Variants in EDIL3 observed in about 807,000 individuals in gnomAD.
EDIL3 encodes EGF-like repeat and discoidin I-like domain-containing protein 3.
EDIL3 carries 37 observed loss-of-function variants against 67.4 expected under a neutral mutation model. That is an observed-to-expected ratio of 0.55 (90% CI 0.42 to 0.72). The LOEUF is 0.72. Ranked by LOEUF, EDIL3 falls within the 30% of genes least tolerant of loss-of-function variation. The pLI is 0.00. For missense variants in EDIL3, 527 were observed against 586.3 expected, an observed-to-expected ratio of 0.90 and a Z score of 1.04; for synonymous variants, 195 against 196.3, an observed-to-expected ratio of 0.99 and a Z score of 0.05.
intron 6 of EDIL3, among the ~76,000 whole-genome samples, chr5:84,077,463 T>G (rs2112253917): frequency 6.6e-6 from 1 of 152,262 alleles, no homozygotes; most frequent in East Asian, 1.9e-4. Context: ...GACTCACAGT[T>G]CCACATGGCT....
At chr5:84,164,715 A>G (rs1311713255) in intron 4 of EDIL3, among the ~76,000 whole-genome samples, 2 of 152,134 alleles carry the variant, frequency 1.3e-5, no homozygotes, top group Non-Finnish European at 2.9e-5. Flanking sequence ...CTACATGCAA[A>G]TCACAATTCT....
At chr5:84,052,679 C>G (rs978095043) in intron 9 of EDIL3, among the ~76,000 whole-genome samples, 4 of 152,128 alleles carry the variant, frequency 2.6e-5, no homozygotes, top group African/African-American at 9.7e-5. Flanking sequence ...ATAAAACAGA[C>G]TTTAAACCAA....
chr5:84,173,467 C>T (rs184412748), intron 4 of EDIL3, among the ~76,000 whole-genome samples: 6 of 152,224 alleles, frequency 3.9e-5, no homozygotes, highest in South Asian at 2.1e-4. Flanking sequence ...GAAGCAGACT[C>T]GCACGACTGC....
intron 1 of EDIL3, among the ~76,000 whole-genome samples, chr5:84,256,901 A>G (rs1014699318): frequency 3.9e-5 from 6 of 152,226 alleles, no homozygotes; most frequent in Non-Finnish European, 8.8e-5. Flanking sequence ...TTTAATATCA[A>G]ATCTAGTTAA....
intron 9 of EDIL3, among the ~76,000 whole-genome samples, chr5:83,988,871 G>A (rs116507094): frequency 2.6e-5 from 4 of 152,144 alleles, no homozygotes; most frequent in African/African-American, 4.8e-5. Context: ...GTAATAAGCC[G>A]TTATATAATG....
intron 3 of EDIL3, among the ~76,000 whole-genome samples, chr5:84,190,720 C>T (rs973129890): frequency 2.0e-5 from 3 of 151,688 alleles, no homozygotes; most frequent in African/African-American, 4.8e-5. Flanking sequence ...TCTCTGACAG[C>T]GCTTCACCTT....
chr5:84,355,740 T>A (rs1442751485), intron 1 of EDIL3, among the ~76,000 whole-genome samples: 1 of 151,900 alleles, frequency 6.6e-6, no homozygotes, highest in Non-Finnish European at 1.5e-5. Flanking sequence ...CAGGAGGTGG[T>A]TTCCAATCAG....
chr5:83,980,618 G>A (rs917056845), intron 9 of EDIL3, among the ~76,000 whole-genome samples: 10 of 150,330 alleles, frequency 6.7e-5, no homozygotes, highest in African/African-American at 2.4e-4. Context: ...AACCTGGGAG[G>A]CGGAGGTTAA....
intron 1 of EDIL3, among the ~76,000 whole-genome samples, chr5:84,262,040 G>GA: frequency 6.6e-6 from 1 of 152,222 alleles, no homozygotes; most frequent in East Asian, 1.9e-4. Flanking sequence ...CTAACATTTT[G>GA]AAAAACAAAA....
In EDIL3 at chr5:83,943,565, A is replaced by G; in HGVS notation, c.1297T>C (p.Phe433Leu). ...GTGTCATTGTCAAAATTTCCCTGGAAAACCTAATAAAGAAGAGCAGAAAAA... is the reference window on the plus strand; with the variant it reads ...GTGTCATTGTCAAAATTTCCCTGGAGAACCTAATAAAGAAGAGCAGAAAAA... Reference protein sequence around the residue: ...QDEKQRKDKVFQGNFDNDTHR... With the variant: ...QDEKQRKDKVLQGNFDNDTHR... The change falls in exon 11 of 11, where the codon TTC (phenylalanine) becomes CTC (leucine). Residue 433 changes from phenylalanine (F) to leucine (L), a missense_variant. By Grantham distance (22) the Phe-to-Leu change is conservative. Transcript: ENST00000296591. 6.2e-7 allele frequency: 1 copy of G among 1,612,096 alleles called. No homozygotes were observed. Among genetic ancestry groups the G allele is most frequent in the South Asian group, 1.1e-5 (1 of 91,016 alleles).
At chr5:84,179,422 G>T (rs570598574) in intron 4 of EDIL3, among the ~76,000 whole-genome samples, 2 of 152,258 alleles carry the variant, frequency 1.3e-5, no homozygotes, top group East Asian at 3.9e-4. Flanking sequence ...ACTACAATAG[G>T]TTTCTACGGA....
intron 9 of EDIL3, among the ~76,000 whole-genome samples, chr5:84,035,677 T>C (rs1488504363): frequency 6.6e-6 from 1 of 152,198 alleles, no homozygotes; most frequent in African/African-American, 2.4e-5. Flanking sequence ...TACTTTCTTT[T>C]ACTTCTTGGA....
chr5:84,077,308 C>T (rs544215566), intron 6 of EDIL3, among the ~76,000 whole-genome samples: 2 of 152,242 alleles, frequency 1.3e-5, no homozygotes, highest in African/African-American at 4.8e-5. Flanking sequence ...TCTTTGGGAT[C>T]CCCTGCTTCT....
intron 5 of EDIL3, among the ~76,000 whole-genome samples, chr5:84,132,315 T>C (rs1352328406): frequency 5.8e-5 from 6 of 103,576 alleles, no homozygotes; most frequent in East Asian, 2.6e-4. Context: ...ATATATATTA[T>C]ATATATTTTA....
chr5:84,254,864 C>T (rs564525923), intron 1 of EDIL3, among the ~76,000 whole-genome samples: 1 of 152,154 alleles, frequency 6.6e-6, no homozygotes, highest in Non-Finnish European at 1.5e-5. Flanking sequence ...AATACGTGGC[C>T]TTGGCTGTGG....
chr5:84,028,143 A>C (rs1489157036), intron 9 of EDIL3, among the ~76,000 whole-genome samples: 1 of 152,052 alleles, frequency 6.6e-6, no homozygotes, highest in East Asian at 1.9e-4. Context: ...CAGGACTATC[A>C]ATTTTATCAT....
In EDIL3 at chr5:83,943,362, T is replaced by C. The variant is rs777532240; in HGVS notation, c.*57A>G. Reference sequence around the variant, plus strand: ...TTTCCTACAGATTTTGCACAGTTCATTCCATGGAGATACTTTTAGGGAAAT... The same window carrying C: ...TTTCCTACAGATTTTGCACAGTTCACTCCATGGAGATACTTTTAGGGAAAT... On this transcript the variant is annotated 3_prime_UTR_variant, in exon 11 of 11. Coordinates refer to ENST00000296591, the MANE Select transcript of EDIL3 (RefSeq NM_005711.5). The C allele has an allele frequency of 5.0e-5, 80 of 1,604,404 alleles. No individual in the cohort carries two copies. Among genetic ancestry groups the C allele is most frequent in the African/African-American group, 8.1e-5 (6 of 74,382 alleles).
At chr5:83,967,787 A>AGGG (rs1336088726) in intron 9 of EDIL3, among the ~76,000 whole-genome samples, 4 of 152,122 alleles carry the variant, frequency 2.6e-5, no homozygotes, top group African/African-American at 4.8e-5. Context: ...ACATTCTTGA[A>AGGG]GGGGTGAGGA....
intron 2 of EDIL3, among the ~76,000 whole-genome samples, chr5:84,242,003 G>T (rs1383180562): frequency 6.8e-6 from 1 of 147,270 alleles, no homozygotes; most frequent in Non-Finnish European, 1.5e-5. Context: ...GGCAGATCAC[G>T]AAGTCAGGAG....
Sources: gnomAD v4.1 joint callset for allele counts (sites outside exome capture counted in the v4.1 genomes callset) on GRCh38, gnomAD v4.1.1 for gene constraint, MANE v1.5 for transcripts, NCBI Gene and HGNC (gene_info 2026-07-23, HGNC 2026-07-21) for gene names.